Variants in CFAP221 observed in about 807,000 individuals in gnomAD.
CFAP221 encodes cilia and flagella associated protein 221.
A neutral mutation model predicts 113.1 loss-of-function variants in CFAP221; 97 were observed. The ratio of observed to expected loss-of-function variants is 0.86; its 90% CI spans 0.73 to 1.02. The LOEUF is 1.02. CFAP221 is among the 50% of genes least tolerant of loss of function. The pLI is 0.00. For synonymous variants in CFAP221, 331 were observed against 354.4 expected (o/e 0.93, Z 0.74); for missense variants, 1,025 against 1,013.4 (o/e 1.01, Z -0.16).
intron 6 of CFAP221, among the ~76,000 whole-genome samples, chr2:119,569,103 T>A (rs1681858207): frequency 6.6e-6 from 1 of 151,970 alleles, no homozygotes; most frequent in Admixed American, 6.6e-5. Flanking sequence ...TGGGAAATTT[T>A]TTTTTCCCTC....
chr2:119,653,242 G>T (rs369545489), intron 23 of CFAP221, among the ~76,000 whole-genome samples: 7 of 151,866 alleles, frequency 4.6e-5, no homozygotes, highest in Non-Finnish European at 1.0e-4. Context: ...TTAGCTGGGC[G>T]TGGTGGCAGG....
At chr2:119,634,754 A>C (rs1178408514) in intron 19 of CFAP221, among the ~76,000 whole-genome samples, 1 of 152,194 alleles carries the variant, frequency 6.6e-6, no homozygotes, top group African/African-American at 2.4e-5. Context: ...TGCTTATATG[A>C]GATATTGATA....
intron 23 of CFAP221, among the ~76,000 whole-genome samples, chr2:119,652,687 C>T (rs1236879870): frequency 5.3e-5 from 8 of 152,096 alleles, no homozygotes; most frequent in African/African-American, 1.7e-4. Context: ...TGTGTTCCTC[C>T]TCATTGTAAT....
intron 6 of CFAP221, among the ~76,000 whole-genome samples, chr2:119,565,650 G>A (rs1407116099): frequency 1.3e-5 from 2 of 152,168 alleles, no homozygotes; most frequent in African/African-American, 2.4e-5. Context: ...ATATAATGAT[G>A]TGATATTTTT....
At chr2:119,569,775 C>T (rs997606676) in intron 6 of CFAP221, among the ~76,000 whole-genome samples, 3 of 152,138 alleles carry the variant, frequency 2.0e-5, no homozygotes, top group South Asian at 4.1e-4. Context: ...CTGTGTCCAA[C>T]CTGCTAATAA....
rs143500550 is a variant in CFAP221, at chr2:119,614,771, C to T, written c.1312-840C>T. ...TGGTTAAAAGTCCAACTTTTAATTTCAACGATGATAAAATTCTAATCTCCC... is the reference window on the plus strand; with the variant it reads ...TGGTTAAAAGTCCAACTTTTAATTTTAACGATGATAAAATTCTAATCTCCC... On this transcript the variant is annotated intron_variant, in intron 13 of 23. Coordinates refer to ENST00000413369, the MANE Select transcript of CFAP221 (RefSeq NM_001271049.2). Among the ~76,000 whole-genome samples, 560 of 152,302 alleles carry T rather than the reference C, an allele frequency of 3.7e-3. 7 individuals carry two copies. Among genetic ancestry groups the T allele is most frequent in the African/African-American group, 0.013 (526 of 41,556 alleles).
At chr2:119,608,407 CT>C in intron 11 of CFAP221, 94 bp from the exon 12 acceptor site, 1 of 924,684 alleles carries the variant, frequency 1.1e-6, no homozygotes, top group South Asian at 1.9e-5. Context: ...CTCAGGGTTC[CT>C]TTTCAGTTTT....
At position 119,615,687 on chromosome 2, in the gene CFAP221, G is replaced by A. The variant is rs779116617; in HGVS notation, c.1388G>A (p.Arg463Gln). Reference protein sequence around the residue: ...TWLSRSRAQKRFQQVARKVMI... With the variant: ...TWLSRSRAQKQFQQVARKVMI... ...CTCAGCAGGTCCAGGGCACAAAAAC[G>A]GTTTCAACAAGTAGCACGCAAGGTA... The change falls in exon 14 of 24, where the codon CGG (arginine) becomes CAG (glutamine). Residue 463 changes from arginine to glutamine, a missense_variant. Arg to Gln is a conservative substitution (Grantham distance 43). Transcript: ENST00000413369. The A allele has an allele frequency of 3.1e-6, 5 of 1,612,280 alleles. No individual in the cohort carries two copies. Among genetic ancestry groups the A allele is most frequent in the South Asian group, 1.1e-5 (1 of 90,706 alleles).
intron 13 of CFAP221, among the ~76,000 whole-genome samples, chr2:119,613,917 A>G (rs1685349710): frequency 6.6e-6 from 1 of 152,210 alleles, no homozygotes; most frequent in Non-Finnish European, 1.5e-5. Flanking sequence ...CATAAGTTCA[A>G]TTCCAAACCA....
chr2:119,553,122 A>G (rs774667612), intron 3 of CFAP221, among the ~76,000 whole-genome samples: 1 of 152,230 alleles, frequency 6.6e-6, no homozygotes, highest in South Asian at 2.1e-4. Context: ...CAGGCAAGCA[A>G]GGTGGCATGA....
chr2:119,555,923 A>G (rs1488523437), intron 3 of CFAP221: 1 of 152,238 alleles, frequency 6.6e-6, no homozygotes, highest in African/African-American at 2.4e-5. Context: ...CAAAATTAAT[A>G]AAATCTTCCT....
At chr2:119,564,066 G>T (rs959514413) in intron 6 of CFAP221, among the ~76,000 whole-genome samples, 1 of 152,210 alleles carries the variant, frequency 6.6e-6, no homozygotes, top group African/African-American at 2.4e-5. Context: ...GGAGGGGGAA[G>T]CAAGGCCTAA....
chr2:119,618,302 G>A (rs1387284635), intron 14 of CFAP221, among the ~76,000 whole-genome samples: 1 of 152,148 alleles, frequency 6.6e-6, no homozygotes, highest in East Asian at 1.9e-4. Flanking sequence ...TGGCAATATG[G>A]CTGAATAGGA....
At chr2:119,592,914 T>A (rs1215436648) in intron 7 of CFAP221, among the ~76,000 whole-genome samples, 1 of 152,244 alleles carries the variant, frequency 6.6e-6, no homozygotes, top group East Asian at 1.9e-4. Flanking sequence ...AGTCTTGAGG[T>A]TAAGCAGTTC....
chr2:119,569,124 C>CAAA (rs1251771816), intron 6 of CFAP221, among the ~76,000 whole-genome samples: 1 of 150,846 alleles, frequency 6.6e-6, no homozygotes, highest in African/African-American at 2.4e-5. Flanking sequence ...TGACTTCTTT[C>CAAA]AATTTATTTA....
chr2:119,566,730 G>A (rs780098260), intron 6 of CFAP221, among the ~76,000 whole-genome samples: 53 of 152,058 alleles, frequency 3.5e-4, no homozygotes, highest in Non-Finnish European at 8.8e-5. Flanking sequence ...TTTCCTACCC[G>A]CACACCCCAC....
chr2:119,621,979 TA>T (rs1685953314), intron 14 of CFAP221, among the ~76,000 whole-genome samples: 1 of 151,954 alleles, frequency 6.6e-6, no homozygotes, highest in South Asian at 2.1e-4. Context: ...TGAAAATAAC[TA>T]GACAAGCTAG....
At chr2:119,625,030 AAAAG>A (rs1279627810) in intron 14 of CFAP221, among the ~76,000 whole-genome samples, 1 of 152,148 alleles carries the variant, frequency 6.6e-6, no homozygotes, top group Non-Finnish European at 1.5e-5. Context: ...TTAAAAAAAA[AAAAG>A]AGCTGCTTAC....
At chr2:119,549,349 A>T (rs1680267055) in intron 3 of CFAP221, among the ~76,000 whole-genome samples, 164 bp downstream of exon 3, 6 of 152,226 alleles carry the variant, frequency 3.9e-5, no homozygotes. Context: ...AGGTTGCATC[A>T]ATGTCTTGGA....
Sources: allele counts gnomAD v4.1 joint callset (sites outside exome capture counted in the v4.1 genomes callset), GRCh38; gene constraint gnomAD v4.1.1; transcripts MANE v1.5; gene names NCBI Gene and HGNC (gene_info 2026-07-23, HGNC 2026-07-21).